INSL6: variants seen among roughly 807,000 people sequenced by gnomAD.
INSL6 encodes insulin-like peptide INSL6.
INSL6 carries 16 observed loss-of-function variants against 9.4 expected under a neutral mutation model. The observed-to-expected ratio is 1.70, with a 90% CI of 1.15 to 2.59. The LOEUF (loss-of-function observed/expected upper bound fraction) is 2.59, where lower values mean the gene tolerates loss of function less well. Among genes scored for constraint, INSL6 ranks in the 30% most tolerant of loss-of-function variants. INSL6 has a pLI of 0.00. For missense variants in INSL6, 391 were observed against 257.3 expected (o/e 1.52, Z -3.56); for synonymous variants, 154 against 96.9 (o/e 1.59, Z -3.46).
chr9:5,148,695 G>A lies in INSL6; in HGVS notation c.377-15103C>T, dbSNP rs528504448. Among the ~76,000 whole-genome samples, 23 of 152,236 alleles carry A rather than the reference G, an allele frequency of 1.5e-4. 1 individual carries two copies. Among genetic ancestry groups the A allele is most frequent in the South Asian group, 8.3e-4 (4 of 4,822 alleles). On this transcript the variant is annotated intron_variant, in intron 2 of 3. Transcript: ENST00000649639. Reference sequence around the variant, plus strand: ...TCAAGTGTCCAGCAGTTCCTGGCTTGGCACTCCTGAGCTGCAGACTGCAGC... The same window carrying A: ...TCAAGTGTCCAGCAGTTCCTGGCTTAGCACTCCTGAGCTGCAGACTGCAGC...
At chr9:5,021,482 A>C in the INSL6 span, among the ~76,000 whole-genome samples, 3 of 152,326 alleles carry the variant, frequency 2.0e-5, no homozygotes, top group Admixed American at 6.5e-5. Flanking sequence ...TTTAAAATGT[A>C]TGATTTCTTG....
chr9:5,106,022 A>G, the INSL6 span, among the ~76,000 whole-genome samples: 98 of 152,326 alleles, frequency 6.4e-4, no homozygotes, highest in Admixed American at 1.4e-3. Context: ...TCATGATGAA[A>G]ACGCCAGAAA....
chr9:5,165,534 A>G (rs1248373825), intron 1 of INSL6, among the ~76,000 whole-genome samples: 5 of 152,122 alleles, frequency 3.3e-5, no homozygotes, highest in Non-Finnish European at 7.4e-5. Context: ...GATGTTAAGC[A>G]TTTTTTCATA....
the INSL6 span, among the ~76,000 whole-genome samples, chr9:5,066,468 C>G: frequency 6.6e-6 from 1 of 151,954 alleles, no homozygotes; most frequent in Non-Finnish European, 1.5e-5. Flanking sequence ...GTTTTTAAAG[C>G]TATATAATTG....
At chr9:5,171,048 G>C (rs930008882) in intron 1 of INSL6, among the ~76,000 whole-genome samples, 1 of 151,802 alleles carries the variant, frequency 6.6e-6, no homozygotes, top group Non-Finnish European at 1.5e-5. Context: ...AAAAACTTCA[G>C]GCCAATATTC....
chr9:5,175,965 C>T (rs1825295298), intron 1 of INSL6, among the ~76,000 whole-genome samples: 1 of 152,144 alleles, frequency 6.6e-6, no homozygotes, highest in Non-Finnish European at 1.5e-5. Context: ...ATCTGAAAAT[C>T]ATTCCCCTCC....
the INSL6 span, among the ~76,000 whole-genome samples, chr9:5,027,534 C>A: frequency 1.3e-5 from 2 of 152,138 alleles, no homozygotes; most frequent in African/African-American, 4.8e-5. Flanking sequence ...ATGGCAATAT[C>A]TTAAAATAAG....
At chr9:5,086,755 A>C in the INSL6 span, among the ~76,000 whole-genome samples, 1 of 152,148 alleles carries the variant, frequency 6.6e-6, no homozygotes, top group Non-Finnish European at 1.5e-5. Context: ...TTTTCAACAT[A>C]AATGCCTTCT....
chr9:5,040,411 T>G, the INSL6 span, among the ~76,000 whole-genome samples: 1 of 152,110 alleles, frequency 6.6e-6, no homozygotes, highest in South Asian at 2.1e-4. Flanking sequence ...TTCTTAGATA[T>G]GACACCAAAA....
At chr9:5,123,437 TTAAGA>T (rs1823767481), downstream of INSL6, among the ~76,000 whole-genome samples, 1 of 151,970 alleles carries the variant, frequency 6.6e-6, no homozygotes, top group African/African-American at 2.4e-5. Context: ...TTTGTTTCAC[TTAAGA>T]TAATTACCTC....
chr9:5,007,684 C>T, the INSL6 span, among the ~76,000 whole-genome samples: 15 of 151,476 alleles, frequency 9.9e-5, no homozygotes, highest in African/African-American at 3.6e-4. Flanking sequence ...ATTACTTTTG[C>T]ACCAGTCTAA....
At chr9:5,110,186 C>T in the INSL6 span, 1 of 152,200 alleles carries the variant, frequency 6.6e-6, no homozygotes, top group African/African-American at 2.4e-5. Context: ...AAGGCCCAAC[C>T]CCAGCCTCAG....
the INSL6 span, among the ~76,000 whole-genome samples, chr9:5,053,792 A>G: frequency 6.6e-6 from 1 of 152,000 alleles, no homozygotes; most frequent in Non-Finnish European, 1.5e-5. Flanking sequence ...TACATCTAAT[A>G]TGCCACAGAA....
chr9:5,006,908 T>C, the INSL6 span, among the ~76,000 whole-genome samples: 1 of 152,232 alleles, frequency 6.6e-6, no homozygotes, highest in Non-Finnish European at 1.5e-5. Context: ...ACTTCATTTG[T>C]TTTTAAATTG....
chr9:5,127,354 T>C (rs1210748373), intron 3 of INSL6: 2 of 232,074 alleles, frequency 8.6e-6, no homozygotes, highest in Non-Finnish European at 1.7e-5. Context: ...TTTATATCGC[T>C]GGCCAGCATT....
chr9:5,104,276 C>G, the INSL6 span, among the ~76,000 whole-genome samples: 1 of 152,182 alleles, frequency 6.6e-6, no homozygotes, highest in South Asian at 2.1e-4. Context: ...TCAGAGAATA[C>G]TATTAACACC....
At chr9:5,069,979 C>T in the INSL6 span, 4 of 1,608,260 alleles carry the variant, frequency 2.5e-6, no homozygotes, top group East Asian at 4.5e-5. Context: ...GTACCAACCT[C>T]ACCAACATTA....
chr9:5,155,155 A>C (rs1341833972), intron 2 of INSL6, among the ~76,000 whole-genome samples: 2 of 151,784 alleles, frequency 1.3e-5, no homozygotes, highest in African/African-American at 4.8e-5. Flanking sequence ...ATAAAAAATG[A>C]TGAGTTCATG....
chr9:5,038,785 G>C, the INSL6 span, among the ~76,000 whole-genome samples: 6 of 152,028 alleles, frequency 3.9e-5, no homozygotes, highest in Admixed American at 3.9e-4. Flanking sequence ...TGCTCAGTTT[G>C]TTTATAAAAA....
Sources: gnomAD v4.1 joint callset for allele counts (sites outside exome capture counted in the v4.1 genomes callset) on GRCh38, gnomAD v4.1.1 for gene constraint, MANE v1.5 for transcripts, NCBI Gene and HGNC (gene_info 2026-07-23, HGNC 2026-07-21) for gene names.